PCMT1: variants seen among roughly 807,000 people sequenced by gnomAD.
PCMT1 encodes the protein protein-L-isoaspartate (D-aspartate) O-methyltransferase, also known as protein-L-isoaspartate(D-aspartate) O-methyltransferase.
Under a neutral mutation model 29.2 loss-of-function variants are expected in PCMT1, and 9 were observed. That is an observed-to-expected ratio of 0.31 (90% CI 0.19 to 0.54). The LOEUF is 0.54. Among genes scored for constraint, PCMT1 ranks in the 20% least tolerant of loss-of-function variants. The pLI, the probability that PCMT1 is intolerant of heterozygous loss-of-function variation, is 0.95. For synonymous variants in PCMT1, 98 were observed against 97.5 expected (o/e 1.00, Z -0.03); for missense variants, 184 against 282.2 (o/e 0.65, Z 2.49).
intron 2 of PCMT1, chr6:149,772,318 T>A (rs1469543390): frequency 9.1e-6 from 3 of 330,302 alleles, no homozygotes; most frequent in Non-Finnish European, 1.8e-5. Context: ...AAAGATTGTG[T>A]GAATTAACAT....
intron 1 of PCMT1, among the ~76,000 whole-genome samples, chr6:149,752,757 A>C (rs964026897): frequency 6.6e-6 from 1 of 152,202 alleles, no homozygotes; most frequent in African/African-American, 2.4e-5. Flanking sequence ...AGGTTATCAT[A>C]GTAGGCACTT....
intron 3 of PCMT1, among the ~76,000 whole-genome samples, chr6:149,778,364 G>A (rs574971470): frequency 1.3e-5 from 2 of 151,854 alleles, no homozygotes; most frequent in African/African-American, 2.4e-5. Context: ...GAGTAGCTAG[G>A]ATTACAAGTG....
intron 1 of PCMT1, among the ~76,000 whole-genome samples, chr6:149,756,562 G>C (rs1228664480): frequency 1.1e-5 from 1 of 88,402 alleles, no homozygotes; most frequent in Non-Finnish European, 2.1e-5. Flanking sequence ...ACGGGGTTTT[G>C]TCATGTTGCC....
intron 7 of PCMT1, 23 bp from the exon 8 acceptor site, chr6:149,810,593 A>C: frequency 6.5e-7 from 1 of 1,543,200 alleles, no homozygotes; most frequent in Non-Finnish European, 8.8e-7. Context: ...CTACTAATGT[A>C]TTTCTCTCTT....
chr6:149,785,615 G>A (rs1439597561), intron 3 of PCMT1, among the ~76,000 whole-genome samples: 2 of 151,932 alleles, frequency 1.3e-5, no homozygotes, highest in African/African-American at 2.4e-5. Flanking sequence ...GACTCTTAAC[G>A]AGCACGCTGC....
chr6:149,785,803 ACTT>A, intron 3 of PCMT1, among the ~76,000 whole-genome samples: 1 of 152,120 alleles, frequency 6.6e-6, no homozygotes, highest in East Asian at 1.9e-4. Flanking sequence ...TCCCATGTCT[ACTT>A]CTTTCTACAC....
intron 3 of PCMT1, among the ~76,000 whole-genome samples, chr6:149,773,750 A>C (rs1054766945): frequency 6.6e-6 from 1 of 152,192 alleles, no homozygotes; most frequent in East Asian, 1.9e-4. Context: ...TGTGACATGT[A>C]AAAATTGAAC....
rs549081988 is a variant in PCMT1, at chr6:149,749,881, C to T, written c.-21C>T. On this transcript the variant is annotated 5_prime_UTR_variant, in exon 1 of 8. Transcript: ENST00000464889. ...CGTCGCGCTGAAGGTGGTTCTGTAC[C>T]TGCTCCGAGTGTGCTTAGCGATGGC... 3.1e-6 allele frequency: 5 copies of T among 1,605,552 alleles called. No individual in the cohort carries two copies. In the African/African-American group the frequency reaches 5.3e-5, roughly 17 times the overall value.
chr6:149,757,708 A>G (rs1786563244), intron 1 of PCMT1, among the ~76,000 whole-genome samples: 1 of 152,132 alleles, frequency 6.6e-6, no homozygotes, highest in Non-Finnish European at 1.5e-5. Context: ...GTTTTCTGTC[A>G]CCAAATATGT....
intron 1 of PCMT1, among the ~76,000 whole-genome samples, chr6:149,753,257 A>C (rs1786395276): frequency 6.6e-6 from 1 of 152,168 alleles, no homozygotes; most frequent in Non-Finnish European, 1.5e-5. Context: ...TCTTAGAAAA[A>C]TATAAAAATG....
intron 1 of PCMT1, among the ~76,000 whole-genome samples, chr6:149,751,885 T>A (rs1786334900): frequency 6.6e-6 from 1 of 151,960 alleles, no homozygotes; most frequent in African/African-American, 2.4e-5. Context: ...TTGATTATTT[T>A]TTTTTTTTAG....
chr6:149,768,829 G>A (rs1787198047), intron 1 of PCMT1, among the ~76,000 whole-genome samples: 1 of 152,004 alleles, frequency 6.6e-6, no homozygotes, highest in African/African-American at 2.4e-5. Flanking sequence ...GTTTCGCCAT[G>A]TTGGCCGTAT....
intron 4 of PCMT1, among the ~76,000 whole-genome samples, chr6:149,792,382 G>A (rs755666404): frequency 9.3e-4 from 141 of 152,212 alleles, no homozygotes; most frequent in Non-Finnish European, 1.8e-3. Context: ...ACTTAGACAA[G>A]AACCCAGATA....
chr6:149,800,523 G>A (rs1319642952), intron 6 of PCMT1, among the ~76,000 whole-genome samples: 4 of 151,940 alleles, frequency 2.6e-5, no homozygotes, highest in Admixed American at 2.6e-4. Context: ...CCAGAGTAAG[G>A]TTTCTTCTTT....
Position 149,793,535 on chromosome 6 carries a change from T to G in PCMT1, c.298-14T>G. 6.9e-7 allele frequency: 1 copy of G among 1,451,402 alleles called. No individual in the cohort carries two copies. The allele number at this position is 1,451,402 out of a possible 1,614,324, so 89.9% of individuals were successfully genotyped here. On this transcript the variant is annotated splice_polypyrimidine_tract_variant and intron_variant, in intron 4 of 7. Transcript: ENST00000464889. Reference sequence around the variant, plus strand: ...TTAGCCCAATGAGCTACTGAATTGTTTTCTCTTTTCCAGGTTGGATGTACT... The same window carrying G: ...TTAGCCCAATGAGCTACTGAATTGTGTTCTCTTTTCCAGGTTGGATGTACT...
intron 1 of PCMT1, among the ~76,000 whole-genome samples, chr6:149,767,061 T>C (rs1787114671): frequency 6.6e-6 from 1 of 151,910 alleles, no homozygotes; most frequent in South Asian, 2.1e-4. Flanking sequence ...ATACCAAACT[T>C]AGCTGGATGT....
chr6:149,770,930 C>T (rs1426256819), intron 1 of PCMT1, among the ~76,000 whole-genome samples: 5 of 149,394 alleles, frequency 3.3e-5, no homozygotes, highest in Non-Finnish European at 7.4e-5. Context: ...ACCCAGGAGG[C>T]AGAGCTTGCA....
rs1478427759 is a variant in PCMT1, at chr6:149,793,537, T to C, written c.298-12T>C. On this transcript the variant is annotated splice_polypyrimidine_tract_variant and intron_variant, in intron 4 of 7. Transcript: ENST00000464889. ...AGCCCAATGAGCTACTGAATTGTTT[T>C]CTCTTTTCCAGGTTGGATGTACTGG... 1 of 1,451,568 alleles carries C rather than the reference T, an allele frequency of 6.9e-7. No individual in the cohort carries two copies. Among genetic ancestry groups the C allele is most frequent in the Non-Finnish European group, 9.1e-7 (1 of 1,102,998 alleles). 89.9% of individuals were successfully genotyped at this position (1,451,568 alleles called of 1,614,324 possible). A position where few individuals can be genotyped will look rare whatever the true frequency, so the allele number is the denominator to read the frequency against.
chr6:149,787,586 C>T (rs1788174598), intron 3 of PCMT1, among the ~76,000 whole-genome samples: 1 of 152,058 alleles, frequency 6.6e-6, no homozygotes, highest in South Asian at 2.1e-4. Context: ...TGGTCTTGAA[C>T]TCCTGACCTT....
Sources: allele counts gnomAD v4.1 joint callset (sites outside exome capture counted in the v4.1 genomes callset), GRCh38; gene constraint gnomAD v4.1.1; transcripts MANE v1.5; gene names NCBI Gene and HGNC (gene_info 2026-07-23, HGNC 2026-07-21).